Variants in PTDSS1 observed in about 807,000 individuals in gnomAD.
PTDSS1 encodes phosphatidylserine synthase 1.
A neutral mutation model predicts 70.5 loss-of-function variants in PTDSS1; 45 were observed. The ratio of observed to expected loss-of-function variants is 0.64; its 90% CI spans 0.50 to 0.82. The LOEUF (loss-of-function observed/expected upper bound fraction) is 0.82. Among genes scored for constraint, PTDSS1 ranks in the 40% least tolerant of loss-of-function variants. The pLI, the probability that PTDSS1 is intolerant of heterozygous loss-of-function variation, is 0.00. For missense variants in PTDSS1, 417 were observed against 586.1 expected, an observed-to-expected ratio of 0.71 and a Z score of 2.98; for synonymous variants, 188 against 203.8, an observed-to-expected ratio of 0.92 and a Z score of 0.66.
intron 5 of PTDSS1, among the ~76,000 whole-genome samples, chr8:96,297,801 G>C (rs529107129): frequency 6.6e-6 from 1 of 152,228 alleles, no homozygotes; most frequent in Admixed American, 6.5e-5. Flanking sequence ...TTAGACACTC[G>C]ATAAGTGTCT....
chr8:96,300,133 C>T (rs1418540844), intron 6 of PTDSS1, among the ~76,000 whole-genome samples: 1 of 152,122 alleles, frequency 6.6e-6, no homozygotes, highest in East Asian at 1.9e-4. Flanking sequence ...TCCCGACTGC[C>T]TCAGCCTTCA....
intron 2 of PTDSS1, among the ~76,000 whole-genome samples, chr8:96,274,513 G>A (rs1345086888): frequency 6.6e-6 from 1 of 152,152 alleles, no homozygotes; most frequent in Non-Finnish European, 1.5e-5. Context: ...ATCAGCTGAG[G>A]TCAGGAGTTC....
chr8:96,316,994 A>AATATAT (rs545890811), intron 9 of PTDSS1, among the ~76,000 whole-genome samples: 5 of 147,844 alleles, frequency 3.4e-5, no homozygotes, highest in African/African-American at 9.9e-5. Flanking sequence ...ACTCCGTCTA[A>AATATAT]ATATATATAT....
intron 10 of PTDSS1, among the ~76,000 whole-genome samples, chr8:96,324,724 G>A (rs556590868): frequency 1.3e-5 from 2 of 152,330 alleles, no homozygotes; most frequent in African/African-American, 4.8e-5. Flanking sequence ...ATACTGTTAA[G>A]TTGGCAGTTA....
At chr8:96,312,410 G>A (rs1811225282) in intron 9 of PTDSS1, among the ~76,000 whole-genome samples, 1 of 151,656 alleles carries the variant, frequency 6.6e-6, no homozygotes, top group South Asian at 2.1e-4. Context: ...ATTGAGCTAT[G>A]ATTGTGCCTC....
chr8:96,265,004 C>T lies in PTDSS1; in HGVS notation c.179+2785C>T, dbSNP rs115152950. Among the ~76,000 whole-genome samples the T allele has an allele frequency of 4.8e-3, 730 of 152,260 alleles. 3 individuals are homozygous for T. Among genetic ancestry groups the T allele is most frequent in the African/African-American group, 0.014 (586 of 41,564 alleles). ...TAGAATTCGTACTTACTAAATCTTA[C>T]TCATTTTTTGTAATGATTTGTGACT... On this transcript the variant is annotated intron_variant, in intron 1 of 12. Coordinates refer to ENST00000517309, the MANE Select transcript of PTDSS1 (RefSeq NM_014754.3).
chr8:96,272,535 T>C (rs1242963231), intron 1 of PTDSS1, among the ~76,000 whole-genome samples: 1 of 152,170 alleles, frequency 6.6e-6, no homozygotes, highest in East Asian at 1.9e-4. Flanking sequence ...ATGAGATAGC[T>C]TGGCTTGGGG....
At chr8:96,291,982 G>GA (rs1017401964) in intron 4 of PTDSS1, among the ~76,000 whole-genome samples, 1 of 151,840 alleles carries the variant, frequency 6.6e-6, no homozygotes, top group Admixed American at 6.6e-5. Context: ...TTTTGGAGGA[G>GA]AAAAAAAGAA....
Position 96,261,974 on chromosome 8 carries a change from C to A in PTDSS1, c.-67C>A. On this transcript the variant is annotated 5_prime_UTR_variant, in exon 1 of 13. Transcript: ENST00000517309. The stretch of plus-strand genomic sequence containing the variant: ...CGGCTATTAGCCTACTGTGGCTAGT[C>A]ACCCCCGGGGTCCCGGCCTTCTCGG... The A allele has an allele frequency of 6.6e-7, 1 of 1,513,734 alleles. No individual in the cohort carries two copies. The highest frequency in any genetic ancestry group is 1.2e-5 in the South Asian group (1 of 81,176). 93.8% of individuals were successfully genotyped at this position (1,513,734 alleles called of 1,614,324 possible).
intron 4 of PTDSS1, among the ~76,000 whole-genome samples, chr8:96,292,757 G>T (rs1051473824): frequency 6.6e-6 from 1 of 152,220 alleles, no homozygotes; most frequent in Non-Finnish European, 1.5e-5. Flanking sequence ...GGAGCAGATT[G>T]CTTTAGACCT....
chr8:96,273,587 C>T (rs572749137), intron 2 of PTDSS1, among the ~76,000 whole-genome samples, 197 bp downstream of exon 2: 229 of 152,300 alleles, frequency 1.5e-3, no homozygotes, highest in African/African-American at 5.2e-3. Context: ...GCTGAGAATA[C>T]TTCAGTTTCC....
At chr8:96,275,525 G>A (rs531441578) in intron 2 of PTDSS1, among the ~76,000 whole-genome samples, 23 of 152,146 alleles carry the variant, frequency 1.5e-4, no homozygotes, top group East Asian at 5.8e-4. Flanking sequence ...TGAATTTTAC[G>A]TTAGAGGAGT....
intron 1 of PTDSS1, 24 bp from the exon 2 acceptor site, chr8:96,273,275 T>C: frequency 6.5e-7 from 1 of 1,532,284 alleles, no homozygotes; most frequent in Non-Finnish European, 8.9e-7. Flanking sequence ...AAGTAAATGC[T>C]CAATGTTGTT....
At chr8:96,322,918 A>G (rs1306288526) in intron 10 of PTDSS1, among the ~76,000 whole-genome samples, 1 of 152,198 alleles carries the variant, frequency 6.6e-6, no homozygotes. Flanking sequence ...AAGAAGAACT[A>G]TGCCAGCTGT....
chr8:96,296,230 C>T (rs1810974391), intron 5 of PTDSS1, among the ~76,000 whole-genome samples: 1 of 149,616 alleles, frequency 6.7e-6, no homozygotes, highest in Non-Finnish European at 1.5e-5. Context: ...GCTCCGCCTC[C>T]TGGGTTCACG....
chr8:96,281,880 G>A (rs1810742391), intron 2 of PTDSS1, among the ~76,000 whole-genome samples: 1 of 152,150 alleles, frequency 6.6e-6, no homozygotes, highest in Admixed American at 6.5e-5. Context: ...CTGTAAAGTG[G>A]GAGTAATGAT....
intron 2 of PTDSS1, among the ~76,000 whole-genome samples, chr8:96,275,975 T>A (rs542415335): frequency 6.6e-6 from 1 of 152,378 alleles, no homozygotes; most frequent in Admixed American, 6.5e-5. Context: ...CGTGCATATG[T>A]CCTCAGGAAA....
chr8:96,317,475 C>G (rs964740823), intron 9 of PTDSS1, among the ~76,000 whole-genome samples: 32 of 152,184 alleles, frequency 2.1e-4, no homozygotes, highest in African/African-American at 7.2e-4. Context: ...TGGCTCATAC[C>G]TGTAATCCTA....
intron 1 of PTDSS1, among the ~76,000 whole-genome samples, chr8:96,272,823 C>A (rs948639106): frequency 6.6e-6 from 1 of 152,104 alleles, no homozygotes; most frequent in Non-Finnish European, 1.5e-5. Flanking sequence ...TGATGTCAGT[C>A]TGAATGAGGA....
Sources: gnomAD v4.1 joint callset for allele counts (sites outside exome capture counted in the v4.1 genomes callset) on GRCh38, gnomAD v4.1.1 for gene constraint, MANE v1.5 for transcripts, NCBI Gene and HGNC (gene_info 2026-07-23, HGNC 2026-07-21) for gene names.